The following KIF6 variants were observed in gnomAD, a reference collection of about 807,000 sequenced individuals.
The protein encoded by KIF6 is kinesin-like protein KIF6.
In KIF6, 106 loss-of-function variants were observed where a neutral mutation model predicts 112.7. The ratio of observed to expected loss-of-function variants is 0.94; its 90% CI spans 0.80 to 1.11. The LOEUF is 1.11. Among genes scored for constraint, KIF6 ranks in the 50% least tolerant of loss-of-function variants. The pLI is 0.00. For synonymous variants in KIF6, 339 were observed against 339.9 expected, an observed-to-expected ratio of 1.00 and a Z score of 0.03; for missense variants, 929 against 964.0, an observed-to-expected ratio of 0.96 and a Z score of 0.48.
chr6:39,401,748 A>C (rs1768719908), intron 15 of KIF6, among the ~76,000 whole-genome samples: 1 of 152,070 alleles, frequency 6.6e-6, no homozygotes, highest in African/African-American at 2.4e-5. Flanking sequence ...CATGCCTGGC[A>C]TGTGGAAGGG....
intron 13 of KIF6, among the ~76,000 whole-genome samples, chr6:39,480,220 T>A (rs1774707497): frequency 6.6e-6 from 1 of 152,170 alleles, no homozygotes; most frequent in Admixed American, 6.5e-5. Flanking sequence ...CATTGAGGCA[T>A]GTCCCTTGTA....
chr6:39,576,113 C>T (rs979148649), intron 10 of KIF6, among the ~76,000 whole-genome samples: 2 of 152,088 alleles, frequency 1.3e-5, no homozygotes. Context: ...CACAGGAATT[C>T]GCAGAAACAC....
rs567004066 is a variant in KIF6 at position 39,419,966 on chromosome 6, C to A, written c.1792G>T (p.Glu598Ter). The change falls in exon 15 of 23, where the codon GAA (glutamate) becomes TAA (stop). Residue 598 changes from glutamate to a stop codon, truncating the protein, a stop_gained. Transcript: ENST00000287152. LOFTEE classifies it high-confidence loss of function. ...EAKALGESIN[E>*]ARSKIGHLKE... ...TGCTTACCAATTTTACTTCTTGCTT[C>A]ATTTATACTTTCTCCCAGGGCCTTG... 1 of 1,613,502 alleles carries A rather than the reference C, an allele frequency of 6.2e-7. No individual in the cohort carries two copies. Among genetic ancestry groups the A allele is most frequent in the East Asian group, 2.2e-5 (1 of 44,876 alleles).
At chr6:39,455,398 G>A (rs958902779) in intron 13 of KIF6, among the ~76,000 whole-genome samples, 5 of 151,624 alleles carry the variant, frequency 3.3e-5, no homozygotes, top group African/African-American at 1.2e-4. Flanking sequence ...ACCAAAAGTA[G>A]ATAAAACCAC....
intron 5 of KIF6, among the ~76,000 whole-genome samples, chr6:39,617,224 A>G (rs922180327): frequency 2.6e-5 from 4 of 152,190 alleles, no homozygotes; most frequent in Non-Finnish European, 2.9e-5. Context: ...ATGATGGGGA[A>G]GAAGCAAGCT....
At chr6:39,574,040 C>T (rs1040659355) in intron 10 of KIF6, among the ~76,000 whole-genome samples, 1 of 152,214 alleles carries the variant, frequency 6.6e-6, no homozygotes, top group Admixed American at 6.5e-5. Flanking sequence ...GTATATTTCT[C>T]ATCTATAGAT....
At chr6:39,639,971 C>T (rs2446648) in intron 3 of KIF6, among the ~76,000 whole-genome samples, 80,936 of 151,944 alleles carry the variant, frequency 0.53, 24,471 homozygotes, top group African/African-American at 0.83. Flanking sequence ...AAAGGATGTG[C>T]AACACAAATG....
chr6:39,617,080 T>C (rs80267165), intron 5 of KIF6, among the ~76,000 whole-genome samples: 12,075 of 151,422 alleles, frequency 0.08, 513 homozygotes, highest in Middle Eastern at 0.11. Context: ...TTTATTTGAT[T>C]TTTTTTAACA....
At chr6:39,723,092 GA>G (rs1790320660) in intron 1 of KIF6, among the ~76,000 whole-genome samples, 1 of 152,164 alleles carries the variant, frequency 6.6e-6, no homozygotes, top group Non-Finnish European at 1.5e-5. Context: ...AATCTGGGGG[GA>G]AATGTTACAT....
intron 10 of KIF6, among the ~76,000 whole-genome samples, chr6:39,560,863 G>A (rs1779973092): frequency 6.6e-6 from 1 of 152,174 alleles, no homozygotes; most frequent in African/African-American, 2.4e-5. Flanking sequence ...GAAGTCATTG[G>A]CTGAGCATTT....
At chr6:39,471,461 C>T (rs1325313318) in intron 13 of KIF6, among the ~76,000 whole-genome samples, 5 of 152,166 alleles carry the variant, frequency 3.3e-5, no homozygotes, top group Admixed American at 3.3e-4. Context: ...GGTCACAGGG[C>T]CAGCGCTCGA....
rs534146121 is a variant in KIF6, at chr6:39,550,408, G to C, written c.1182-4720C>G. Reference sequence around the variant, plus strand: ...GGGAGGTGTGCCCCAGGAGTGGGAGGGGAGCCTGGTGCTGTAACTGGGGCA... The same window carrying C: ...GGGAGGTGTGCCCCAGGAGTGGGAGCGGAGCCTGGTGCTGTAACTGGGGCA... On this transcript the variant is annotated intron_variant, in intron 10 of 22. Transcript: ENST00000287152. Among the ~76,000 whole-genome samples, 4 of 152,292 alleles carry C rather than the reference G, an allele frequency of 2.6e-5. No individual in the cohort carries two copies. The East Asian group carries it at 7.7e-4, about 29-fold the overall frequency.
chr6:39,386,499 C>T (rs1258012793), intron 15 of KIF6, among the ~76,000 whole-genome samples: 1 of 152,044 alleles, frequency 6.6e-6, no homozygotes, highest in East Asian at 1.9e-4. Context: ...TATCTTGCTC[C>T]TGAGGGCAGA....
At chr6:39,423,744 GC>G (rs1770553891) in intron 14 of KIF6, among the ~76,000 whole-genome samples, 1 of 151,938 alleles carries the variant, frequency 6.6e-6, no homozygotes, top group African/African-American at 2.4e-5. Flanking sequence ...GCCACCCTTT[GC>G]CCCTCTCTCC....
intron 6 of KIF6, among the ~76,000 whole-genome samples, chr6:39,601,063 T>C (rs1025301353): frequency 2.0e-5 from 3 of 152,162 alleles, no homozygotes; most frequent in African/African-American, 7.2e-5. Context: ...ATGCCTCCTG[T>C]ATCCTTATCT....
At chr6:39,374,595 C>G (rs901974757) in intron 16 of KIF6, among the ~76,000 whole-genome samples, 2 of 152,126 alleles carry the variant, frequency 1.3e-5, no homozygotes, top group African/African-American at 4.8e-5. Flanking sequence ...CTAATGAAGA[C>G]AAACAAATGG....
At chr6:39,394,942 C>T (rs1405084846) in intron 15 of KIF6, among the ~76,000 whole-genome samples, 2 of 152,232 alleles carry the variant, frequency 1.3e-5, no homozygotes, top group Non-Finnish European at 2.9e-5. Flanking sequence ...ATCACCTCGG[C>T]CCTATCTTGT....
intron 13 of KIF6, among the ~76,000 whole-genome samples, chr6:39,508,663 G>T (rs1489530168): frequency 6.6e-6 from 1 of 152,180 alleles, no homozygotes; most frequent in Non-Finnish European, 1.5e-5. Context: ...GGGGGGAGGG[G>T]CTTCCGCCAT....
At chr6:39,571,146 C>G (rs1213445825) in intron 10 of KIF6, among the ~76,000 whole-genome samples, 1 of 152,188 alleles carries the variant, frequency 6.6e-6, no homozygotes, top group African/African-American at 2.4e-5. Flanking sequence ...CTCTTGATAA[C>G]CTGTTTTACA....
Sources: gnomAD v4.1 joint callset for allele counts (sites outside exome capture counted in the v4.1 genomes callset) on GRCh38, gnomAD v4.1.1 for gene constraint, MANE v1.5 for transcripts, NCBI Gene and HGNC (gene_info 2026-07-23, HGNC 2026-07-21) for gene names.